The following ZYG11B variants were observed in gnomAD, a reference collection of about 807,000 sequenced individuals.
ZYG11B encodes protein zyg-11 homolog B.
Under a neutral mutation model 82.4 loss-of-function variants are expected in ZYG11B, and 36 were observed. That is an observed-to-expected ratio of 0.44 (90% CI 0.33 to 0.58). ZYG11B has a LOEUF of 0.58. Among genes scored for constraint, ZYG11B ranks in the 20% least tolerant of loss-of-function variants. The probability of loss-of-function intolerance (pLI) is 0.02; values close to 1 mark genes in which losing one functional copy is unlikely to be tolerated. For synonymous variants in ZYG11B, 303 were observed against 312.8 expected, an observed-to-expected ratio of 0.97 and a Z score of 0.33; for missense variants, 552 against 895.6, an observed-to-expected ratio of 0.62 and a Z score of 4.90.
At position 52,824,836 on chromosome 1, in the gene ZYG11B, T is replaced by G. The variant is rs1645311856; in HGVS notation, c.*3207T>G. On this transcript the variant is annotated 3_prime_UTR_variant, in exon 14 of 14. Coordinates refer to ENST00000294353, the MANE Select transcript of ZYG11B (RefSeq NM_024646.3). ...AAGTAGCCAGTATCTATAGTTAGAA[T>G]CTACAAGGCCTCCTTTTTGCACCTG... 6.6e-6 allele frequency: 1 copy of G among 152,100 alleles called. No homozygotes were observed. The highest frequency in any genetic ancestry group is 2.4e-5 in the African/African-American group (1 of 41,436). The allele number at this position is 152,100 out of a possible 1,614,324, so 9.4% of individuals were successfully genotyped here. A position where few individuals can be genotyped will look rare whatever the true frequency, so the allele number is the denominator to read the frequency against.
chr1:52,741,418 CT>C (rs1644430975), intron 1 of ZYG11B, among the ~76,000 whole-genome samples: 2 of 151,670 alleles, frequency 1.3e-5, no homozygotes, highest in African/African-American at 4.8e-5. Context: ...ATCTCAATTT[CT>C]CATAGGTACC....
At chr1:52,778,410 G>A (rs1383282943) in intron 3 of ZYG11B, among the ~76,000 whole-genome samples, 2 of 152,066 alleles carry the variant, frequency 1.3e-5, no homozygotes, top group African/African-American at 4.8e-5. Flanking sequence ...ACAGATATAA[G>A]CCACTCTGCC....
chr1:52,728,071 T>G (rs1017150504), intron 1 of ZYG11B, among the ~76,000 whole-genome samples: 1 of 152,206 alleles, frequency 6.6e-6, no homozygotes, highest in African/African-American at 2.4e-5. Context: ...CACACTGTTG[T>G]TGTATGCTAA....
intron 2 of ZYG11B, among the ~76,000 whole-genome samples, chr1:52,763,050 T>G (rs1467597687): frequency 6.6e-6 from 1 of 151,714 alleles, no homozygotes; most frequent in African/African-American, 2.4e-5. Context: ...TTGACCAGAC[T>G]GTTCTTTTCC....
At chr1:52,758,366 TGGAATTTTCGC>T (rs1448846688) in intron 2 of ZYG11B, among the ~76,000 whole-genome samples, 1 of 152,176 alleles carries the variant, frequency 6.6e-6, no homozygotes, top group East Asian at 1.9e-4. Context: ...TGTATTTTCG[TGGAATTTTCGC>T]AAAAACTCTA....
At chr1:52,769,520 G>A (rs1644727990) in intron 2 of ZYG11B, among the ~76,000 whole-genome samples, 1 of 152,102 alleles carries the variant, frequency 6.6e-6, no homozygotes, top group Non-Finnish European at 1.5e-5. Flanking sequence ...CTTTCCAAGT[G>A]CTCTCCAGCT....
At chr1:52,784,737 T>G (rs1644898943) in intron 4 of ZYG11B, 140 bp from the exon 5 acceptor site, 1 of 886,538 alleles carries the variant, frequency 1.1e-6, no homozygotes, top group Non-Finnish European at 1.8e-6. Flanking sequence ...AACTGCTATA[T>G]CCTAGGCTCT....
At position 52,824,863 on chromosome 1, in the gene ZYG11B, A is replaced by C. The variant is rs1290102861; in HGVS notation, c.*3234A>C. On this transcript the variant is annotated 3_prime_UTR_variant, in exon 14 of 14. Transcript: ENST00000294353. The stretch of plus-strand genomic sequence containing the variant: ...TACAAGGCCTCCTTTTTGCACCTGT[A>C]GACTAGAATATAACTGTTATTGGTG... 11 of 152,092 alleles carry C rather than the reference A, an allele frequency of 7.2e-5. No homozygotes were observed. The highest frequency in any genetic ancestry group is 1.6e-4 in the Non-Finnish European group (11 of 68,026). The allele number at this position is 152,092 out of a possible 1,614,324, so 9.4% of individuals were successfully genotyped here.
At chr1:52,770,687 C>T (rs568510842) in intron 2 of ZYG11B, among the ~76,000 whole-genome samples, 2 of 152,198 alleles carry the variant, frequency 1.3e-5, no homozygotes, top group South Asian at 2.1e-4. Context: ...GTGCATTGGC[C>T]AGAACTAGGC....
chr1:52,758,455 A>C (rs1272002292), intron 2 of ZYG11B, among the ~76,000 whole-genome samples: 1 of 152,102 alleles, frequency 6.6e-6, no homozygotes, highest in Non-Finnish European at 1.5e-5. Flanking sequence ...TAACGTCCTG[A>C]GGGTCATACT....
At position 52,765,456 on chromosome 1, in the gene ZYG11B, C is replaced by T. The variant is rs563906533; in HGVS notation, c.197-5564C>T. On this transcript the variant is annotated intron_variant, in intron 2 of 13. Transcript: ENST00000294353. Reference sequence around the variant, plus strand: ...CCTGGGCTCAAAGCAGTCCTCCCACCTCAGCCTCCCAATTACAGGAATGAG... The same window carrying T: ...CCTGGGCTCAAAGCAGTCCTCCCACTTCAGCCTCCCAATTACAGGAATGAG... Among the ~76,000 whole-genome samples the T allele has an allele frequency of 1.6e-4, 24 of 152,216 alleles. No homozygotes were observed. In the East Asian group the frequency reaches 1.7e-3, roughly 11 times the overall value.
intron 4 of ZYG11B, among the ~76,000 whole-genome samples, chr1:52,780,245 C>T (rs752163648): frequency 2.0e-5 from 3 of 152,144 alleles, no homozygotes; most frequent in Non-Finnish European, 4.4e-5. Flanking sequence ...AAACCAGTGA[C>T]TACCATGATA....
At position 52,756,580 on chromosome 1, in the gene ZYG11B, A is replaced by T. The variant is rs1644578762; in HGVS notation, c.153A>T (p.Pro51=). 1 of 1,614,038 alleles carries T rather than the reference A, an allele frequency of 6.2e-7. No homozygotes were observed. Among genetic ancestry groups the T allele is most frequent in the Non-Finnish European group, 8.5e-7 (1 of 1,180,024 alleles). Residue 51 remains proline, a synonymous_variant, in exon 2 of 14, where the codon CCA becomes CCT. Coordinates refer to ENST00000294353, the MANE Select transcript of ZYG11B (RefSeq NM_024646.3). ...GTCTGCAGGAACCTGGAGTATTCCC[A>T]CAGGAGGTGGCTGATCGACTGCTTC... ...TLCLQEPGVF[P]QEVADRLLRT... is the part of the protein sequence containing the mutation.
At position 52,824,312 on chromosome 1, in the gene ZYG11B, T is replaced by G. The variant is rs1645307812; in HGVS notation, c.*2683T>G. 6.6e-6 allele frequency: 1 copy of G among 152,124 alleles called. No homozygotes were observed. The allele number at this position is 152,124 out of a possible 1,614,324, so 9.4% of individuals were successfully genotyped here. A position where few individuals can be genotyped will look rare whatever the true frequency, so the allele number is the denominator to read the frequency against. On this transcript the variant is annotated 3_prime_UTR_variant, in exon 14 of 14. Coordinates refer to ENST00000294353, the MANE Select transcript of ZYG11B (RefSeq NM_024646.3). ...ACTACAGGCTAAATTTCCTACTTTG[T>G]AAACATCAGTAGTGGCCAGATACTT...
intron 12 of ZYG11B, among the ~76,000 whole-genome samples, chr1:52,814,804 A>G (rs1021159807): frequency 1.6e-4 from 24 of 152,198 alleles, no homozygotes; most frequent in Admixed American, 1.4e-3. Context: ...AGGAAGAAAA[A>G]GCATCGTATT....
At chr1:52,751,007 T>C (rs1316647431) in intron 1 of ZYG11B, among the ~76,000 whole-genome samples, 1 of 152,176 alleles carries the variant, frequency 6.6e-6, no homozygotes, top group Non-Finnish European at 1.5e-5. Context: ...TCCAGTCATC[T>C]GGTTTTTGTT....
rs1298259308 is a variant in ZYG11B at position 52,824,303 on chromosome 1, C to T, written c.*2674C>T. On this transcript the variant is annotated 3_prime_UTR_variant, in exon 14 of 14. Transcript: ENST00000294353. ...GTAGCTGGAACTACAGGCTAAATTT[C>T]CTACTTTGTAAACATCAGTAGTGGC... is the stretch of plus-strand genomic sequence containing the variant. The T allele has an allele frequency of 6.6e-6, 1 of 152,092 alleles. No individual in the cohort carries two copies. Among genetic ancestry groups the T allele is most frequent in the Non-Finnish European group, 1.5e-5 (1 of 68,038 alleles). 9.4% of individuals were successfully genotyped at this position (152,092 alleles called of 1,614,324 possible). A position where few individuals can be genotyped will look rare whatever the true frequency, so the allele number is the denominator to read the frequency against.
chr1:52,755,459 T>A (rs1644566262), intron 1 of ZYG11B, among the ~76,000 whole-genome samples: 1 of 152,230 alleles, frequency 6.6e-6, no homozygotes, highest in Non-Finnish European at 1.5e-5. Flanking sequence ...TTTTGGCTAT[T>A]CTAGGTGTTG....
chr1:52,797,460 G>C (rs61771063), intron 8 of ZYG11B, among the ~76,000 whole-genome samples: 1 of 60,666 alleles, frequency 1.6e-5, no homozygotes, highest in African/African-American at 4.6e-5. Context: ...TATCATATAT[G>C]ATATATATAT....
Sources: gnomAD v4.1 joint callset for allele counts (sites outside exome capture counted in the v4.1 genomes callset) on GRCh38, gnomAD v4.1.1 for gene constraint, MANE v1.5 for transcripts, NCBI Gene and HGNC (gene_info 2026-07-23, HGNC 2026-07-21) for gene names.